DAB2IP: variants seen among roughly 807,000 people sequenced by gnomAD.
DAB2IP encodes the protein DAB2 interacting protein, also known as disabled homolog 2-interacting protein.
In DAB2IP, 28 loss-of-function variants were observed where a neutral mutation model predicts 107.2. The observed-to-expected ratio is 0.26, with a 90% CI of 0.19 to 0.36. DAB2IP has a LOEUF of 0.36. Among genes scored for constraint, DAB2IP ranks in the 10% least tolerant of loss-of-function variants. The pLI is 1.00. For missense variants in DAB2IP, 1,400 were observed against 1,644.7 expected, an observed-to-expected ratio of 0.85 and a Z score of 2.57; for synonymous variants, 755 against 706.4, an observed-to-expected ratio of 1.07 and a Z score of -1.09.
chr9:121,746,875 G>A (rs1177721751), intron 3 of DAB2IP, among the ~76,000 whole-genome samples: 1 of 152,206 alleles, frequency 6.6e-6, no homozygotes, highest in African/African-American at 2.4e-5. Context: ...TGGGGTGCAG[G>A]GACCAGTTAG....
chr9:121,650,997 C>T (rs578016204), upstream of DAB2IP, among the ~76,000 whole-genome samples: 2 of 152,222 alleles, frequency 1.3e-5, no homozygotes, highest in East Asian at 1.9e-4. Flanking sequence ...GTTTTTCAGC[C>T]AATGCAATAG....
intron 1 of DAB2IP, among the ~76,000 whole-genome samples, chr9:121,672,329 T>C (rs1321359289): frequency 6.6e-6 from 1 of 152,166 alleles, no homozygotes; most frequent in African/African-American, 2.4e-5. Context: ...TGCCTTTAAG[T>C]ATTAAGATCT....
rs368208466 is a variant in DAB2IP at position 121,578,484 on chromosome 9, G to A, written c.40+11256G>A. The stretch of plus-strand genomic sequence containing the variant: ...AGAGAAAAGTGAGGCTCGAGCCCCC[G>A]ACAGCTTCTCCGTGGCCCTTCCAAG... On this transcript the variant is annotated intron_variant, in intron 1 of 16. Coordinates refer to the DAB2IP transcript ENST00000259371. Among the ~76,000 whole-genome samples the A allele has an allele frequency of 1.7e-4, 26 of 151,876 alleles. No individual in the cohort carries two copies. In the East Asian group the frequency reaches 4.1e-3, roughly 24 times the overall value.
chr9:121,582,082 A>G (rs1173005961), intron 1 of DAB2IP, among the ~76,000 whole-genome samples: 1 of 152,030 alleles, frequency 6.6e-6, no homozygotes, highest in Non-Finnish European at 1.5e-5. Context: ...TGGGGCCAAG[A>G]GGGGCTGCAG....
At chr9:121,647,157 A>G (rs1368921037), upstream of DAB2IP, among the ~76,000 whole-genome samples, 2 of 152,124 alleles carry the variant, frequency 1.3e-5, no homozygotes, top group Non-Finnish European at 2.9e-5. Context: ...TGCCCCACGC[A>G]TGAGCATCTC....
intron 13 of DAB2IP, among the ~76,000 whole-genome samples, chr9:121,774,785 G>T (rs1444888178): frequency 6.6e-6 from 1 of 152,106 alleles, no homozygotes; most frequent in Non-Finnish European, 1.5e-5. Flanking sequence ...AAGCCCCCCT[G>T]AGGGAACTTG....
At chr9:121,627,997 T>A (rs1411201468) in intron 1 of DAB2IP, among the ~76,000 whole-genome samples, 1 of 152,170 alleles carries the variant, frequency 6.6e-6, no homozygotes, top group Admixed American at 6.5e-5. Flanking sequence ...CAGGCTTGGG[T>A]GCCAGCATCC....
At chr9:121,642,639 C>G (rs1209151826) in intron 1 of DAB2IP, among the ~76,000 whole-genome samples, 1 of 142,598 alleles carries the variant, frequency 7.0e-6, no homozygotes, top group Non-Finnish European at 1.5e-5. Context: ...AAAAAAAGAA[C>G]AGGGGCTTTG....
Position 121,699,304 on chromosome 9 carries a change from C to T in DAB2IP, c.229-21C>T, listed in dbSNP as rs532285106. 538 of 1,413,390 alleles carry T rather than the reference C, an allele frequency of 3.8e-4. 6 individuals are homozygous for T. The South Asian group carries it at 4.6e-3, about 12-fold the overall frequency. The allele number at this position is 1,413,390 out of a possible 1,614,324, so 87.6% of individuals were successfully genotyped here. On this transcript the variant is annotated intron_variant, in intron 2 of 15. Coordinates refer to ENST00000408936, the Ensembl canonical transcript of DAB2IP. The surrounding 1 kb of genome is among the most constrained non-coding windows in gnomAD (Gnocchi z 6.2). ...GCGCTAACCCCGCCTCCCCTTCCCC[C>T]TCTTGTCCCCCCGTGCGCAGGGCTT...
At chr9:121,586,128 A>G (rs1309041366) in intron 1 of DAB2IP, among the ~76,000 whole-genome samples, 1 of 152,208 alleles carries the variant, frequency 6.6e-6, no homozygotes. Flanking sequence ...AGAACATGTA[A>G]CAAACCTGGA....
rs145510772 is a variant in DAB2IP at position 121,744,961 on chromosome 9, G to A, written c.363-12052G>A. ...AGCCAGATAGGGCCAAGCAGGGCTGGCATGGCTGGGTTGGGACCTGGAAAC... is the reference window on the plus strand; with the variant it reads ...AGCCAGATAGGGCCAAGCAGGGCTGACATGGCTGGGTTGGGACCTGGAAAC... On this transcript the variant is annotated intron_variant, in intron 3 of 15. Transcript: ENST00000408936. 2.6e-5 allele frequency among the ~76,000 whole-genome samples: 4 copies of A among 152,330 alleles called. No individual in the cohort carries two copies. In the East Asian group the frequency reaches 7.7e-4, roughly 29 times the overall value.
At chr9:121,663,635 A>G (rs1833296846) in intron 1 of DAB2IP, among the ~76,000 whole-genome samples, 1 of 152,244 alleles carries the variant, frequency 6.6e-6, no homozygotes, top group Non-Finnish European at 1.5e-5. Flanking sequence ...TTTAGGAGAC[A>G]GCAGGCTATC....
At chr9:121,674,810 A>G (rs777112287) in intron 1 of DAB2IP, among the ~76,000 whole-genome samples, 2 of 152,088 alleles carry the variant, frequency 1.3e-5, no homozygotes, top group South Asian at 2.1e-4. Context: ...AGGGCACTCC[A>G]TGCACCTCTT....
At chr9:121,704,467 T>C (rs1564168288) in intron 3 of DAB2IP, among the ~76,000 whole-genome samples, 1 of 152,224 alleles carries the variant, frequency 6.6e-6, no homozygotes, top group Non-Finnish European at 1.5e-5. Flanking sequence ...AGTGCTTCTT[T>C]TGAGACTTGT....
At chr9:121,707,146 C>T (rs960856519) in intron 3 of DAB2IP, among the ~76,000 whole-genome samples, 1 of 152,238 alleles carries the variant, frequency 6.6e-6, no homozygotes, top group Non-Finnish European at 1.5e-5. Context: ...TGGCGGTGGG[C>T]TGCTTGGAGG....
intron 12 of DAB2IP, among the ~76,000 whole-genome samples, chr9:121,773,986 C>G (rs1020337107): frequency 6.6e-6 from 1 of 152,316 alleles, no homozygotes; most frequent in African/African-American, 2.4e-5. Context: ...CAGCCTGCCC[C>G]GGTGCCCCCA....
chr9:121,642,564 A>G (rs1162897870), intron 1 of DAB2IP, among the ~76,000 whole-genome samples: 4 of 126,636 alleles, frequency 3.2e-5, no homozygotes, highest in Non-Finnish European at 6.3e-5. Flanking sequence ...GGCTCAAGTG[A>G]TCTTCCTCTC....
intron 1 of DAB2IP, among the ~76,000 whole-genome samples, chr9:121,594,341 G>A (rs1011784036): frequency 2.6e-5 from 4 of 151,678 alleles, no homozygotes; most frequent in African/African-American, 7.3e-5. Context: ...AGGTTCAAGG[G>A]GTTCTCCTGT....
intron 6 of DAB2IP, among the ~76,000 whole-genome samples, chr9:121,762,358 C>A (rs1016885824): frequency 2.6e-5 from 4 of 152,162 alleles, no homozygotes; most frequent in African/African-American, 9.7e-5. Flanking sequence ...TGAGCGGGAG[C>A]CCTGGAGGAG....
Sources: gnomAD v4.1 joint callset for allele counts (sites outside exome capture counted in the v4.1 genomes callset) on GRCh38, gnomAD v4.1.1 for gene constraint, Gnocchi (gnomAD v3.1) non-coding constraint, MANE v1.5 for transcripts, NCBI Gene and HGNC (gene_info 2026-07-23, HGNC 2026-07-21) for gene names.